Variants in LRRC4C observed in about 807,000 individuals in gnomAD.
LRRC4C encodes leucine rich repeat containing 4C, also known as leucine-rich repeat-containing protein 4C.
LRRC4C carries 5 observed loss-of-function variants against 33.6 expected under a neutral mutation model. The observed-to-expected ratio is 0.15, with a 90% CI of 0.08 to 0.31. LRRC4C has a LOEUF of 0.31. LRRC4C is among the 10% of genes least tolerant of loss of function. The pLI, the probability that LRRC4C is intolerant of heterozygous loss-of-function variation, is 1.00. For synonymous variants in LRRC4C, 329 were observed against 302.0 expected, an observed-to-expected ratio of 1.09 and a Z score of -0.93; for missense variants, 560 against 796.7, an observed-to-expected ratio of 0.70 and a Z score of 3.58.
intron 1 of LRRC4C, among the ~76,000 whole-genome samples, chr11:41,428,072 T>G (rs1429619165): frequency 6.6e-6 from 1 of 152,136 alleles, no homozygotes; most frequent in Non-Finnish European, 1.5e-5. Flanking sequence ...ATAAACAGCC[T>G]TGCTGCTCAC....
chr11:40,499,102 A>C (rs561843149), intron 3 of LRRC4C, among the ~76,000 whole-genome samples: 33 of 152,300 alleles, frequency 2.2e-4, no homozygotes, highest in African/African-American at 7.7e-4. Context: ...TGAAGAAACT[A>C]TTTTAAGTGG....
chr11:40,145,147 T>C (rs1031348397), intron 5 of LRRC4C, among the ~76,000 whole-genome samples: 1 of 152,174 alleles, frequency 6.6e-6, no homozygotes, highest in African/African-American at 2.4e-5. Flanking sequence ...TTGAATAAGA[T>C]AATGAAATAG....
At chr11:40,782,076 T>A (rs1950232427) in intron 2 of LRRC4C, among the ~76,000 whole-genome samples, 1 of 152,236 alleles carries the variant, frequency 6.6e-6, no homozygotes, top group Non-Finnish European at 1.5e-5. Context: ...CTATTTTTTC[T>A]TCTTCCTTAA....
At chr11:41,454,599 A>G (rs992413931) in intron 1 of LRRC4C, among the ~76,000 whole-genome samples, 2 of 152,262 alleles carry the variant, frequency 1.3e-5, no homozygotes, top group Middle Eastern at 3.4e-3. Flanking sequence ...ATATGGAAAG[A>G]TGCACGTGAC....
chr11:40,437,023 C>T (rs1214242873), intron 3 of LRRC4C, among the ~76,000 whole-genome samples: 4 of 152,160 alleles, frequency 2.6e-5, no homozygotes, highest in African/African-American at 9.7e-5. Context: ...TGAGCAGCTG[C>T]TAGGGATTAA....
intron 1 of LRRC4C, among the ~76,000 whole-genome samples, chr11:41,106,957 G>T (rs1290782087): frequency 1.3e-5 from 2 of 151,860 alleles, no homozygotes; most frequent in Non-Finnish European, 2.9e-5. Flanking sequence ...AGAATGCAGT[G>T]AGCTGTGATT....
At chr11:41,054,835 T>C (rs1858501564) in intron 1 of LRRC4C, among the ~76,000 whole-genome samples, 1 of 152,202 alleles carries the variant, frequency 6.6e-6, no homozygotes, top group South Asian at 2.1e-4. Flanking sequence ...GTGATGAGTG[T>C]TGTAAAAAGA....
At chr11:41,287,440 C>T (rs924348997) in intron 1 of LRRC4C, among the ~76,000 whole-genome samples, 3 of 151,988 alleles carry the variant, frequency 2.0e-5, no homozygotes, top group East Asian at 1.9e-4. Flanking sequence ...TTGTTTTTTG[C>T]GTTTTGTTTT....
intron 2 of LRRC4C, among the ~76,000 whole-genome samples, chr11:40,725,105 T>G (rs1947221876): frequency 6.6e-6 from 1 of 152,200 alleles, no homozygotes; most frequent in African/African-American, 2.4e-5. Flanking sequence ...CATAACCATT[T>G]ATCTCCTCAA....
intron 2 of LRRC4C, among the ~76,000 whole-genome samples, chr11:40,856,165 G>A (rs1468128821): frequency 1.3e-5 from 2 of 152,146 alleles, no homozygotes; most frequent in Middle Eastern, 3.4e-3. Flanking sequence ...AAAAAACTTT[G>A]GTTTAAAAGG....
chr11:41,442,679 C>T (rs1287050324), intron 1 of LRRC4C, among the ~76,000 whole-genome samples: 1 of 151,864 alleles, frequency 6.6e-6, no homozygotes, highest in East Asian at 1.9e-4. Flanking sequence ...CTGTGTTAGC[C>T]AGGATGGTCT....
intron 1 of LRRC4C, among the ~76,000 whole-genome samples, chr11:41,347,826 T>A (rs1042275392): frequency 6.6e-6 from 1 of 152,172 alleles, no homozygotes; most frequent in Non-Finnish European, 1.5e-5. Flanking sequence ...TGGAATCACA[T>A]AAGATTGCAT....
chr11:40,314,992 T>C (rs1945504780), intron 4 of LRRC4C, among the ~76,000 whole-genome samples: 4 of 152,124 alleles, frequency 2.6e-5, no homozygotes, highest in Admixed American at 2.0e-4. Context: ...TATATCACTA[T>C]CGGACAACTG....
intron 3 of LRRC4C, among the ~76,000 whole-genome samples, chr11:40,362,313 G>T (rs1364038528): frequency 1.3e-5 from 2 of 151,762 alleles, no homozygotes; most frequent in African/African-American, 4.8e-5. Context: ...ACGATGAATG[G>T]AGTAAACAGA....
At chr11:40,987,180 C>T (rs1047992472) in intron 1 of LRRC4C, among the ~76,000 whole-genome samples, 1 of 152,052 alleles carries the variant, frequency 6.6e-6, no homozygotes, top group African/African-American at 2.4e-5. Context: ...AGTGGGATTC[C>T]AACACAAGCA....
intron 1 of LRRC4C, among the ~76,000 whole-genome samples, chr11:41,155,572 G>A (rs1028322022): frequency 1.1e-4 from 17 of 152,130 alleles, no homozygotes; most frequent in Non-Finnish European, 1.0e-4. Context: ...GGACTCATCC[G>A]TTGAGAGATT....
intron 1 of LRRC4C, among the ~76,000 whole-genome samples, chr11:41,441,017 C>T (rs1356967432): frequency 6.6e-6 from 1 of 152,040 alleles, no homozygotes; most frequent in Non-Finnish European, 1.5e-5. Flanking sequence ...CATGAAGAGC[C>T]AAGCCAGTCT....
chr11:40,984,363 A>AAAAGAAAGAAAGAG (rs1852790388), intron 1 of LRRC4C, among the ~76,000 whole-genome samples: 1 of 120,296 alleles, frequency 8.3e-6, no homozygotes, highest in Non-Finnish European at 1.8e-5. Flanking sequence ...AAAGAAAGAA[A>AAAAGAAAGAAAGAG]AAAGAAAGAA....
intron 1 of LRRC4C, among the ~76,000 whole-genome samples, chr11:40,960,995 G>T (rs2136866922): frequency 6.6e-6 from 1 of 151,804 alleles, no homozygotes; most frequent in East Asian, 1.9e-4. Flanking sequence ...TTGAGATCTT[G>T]TGTCTTGGTC....
Sources: allele counts gnomAD v4.1 joint callset (sites outside exome capture counted in the v4.1 genomes callset), GRCh38; gene constraint gnomAD v4.1.1; transcripts MANE v1.5; gene names NCBI Gene and HGNC (gene_info 2026-07-23, HGNC 2026-07-21).